The following MYBPC1 variants were observed in gnomAD, a reference collection of about 807,000 sequenced individuals.
The protein encoded by MYBPC1 is myosin-binding protein C, slow-type.
In MYBPC1, 52 loss-of-function variants were observed where a neutral mutation model predicts 147.1. That is an observed-to-expected ratio of 0.35 (90% CI 0.28 to 0.45). MYBPC1 has a LOEUF of 0.45. Among genes scored for constraint, MYBPC1 ranks in the 20% least tolerant of loss-of-function variants. MYBPC1 has a pLI of 1.00. For synonymous variants in MYBPC1, 477 were observed against 475.9 expected, an observed-to-expected ratio of 1.00 and a Z score of -0.03; for missense variants, 1,228 against 1,440.3, an observed-to-expected ratio of 0.85 and a Z score of 2.39.
chr12:101,643,879 G>A (rs1257777668), intron 11 of MYBPC1, among the ~76,000 whole-genome samples: 1 of 152,012 alleles, frequency 6.6e-6, no homozygotes, highest in African/African-American at 2.4e-5. Flanking sequence ...TAAGCCTACT[G>A]TTTCAATTAG....
At chr12:101,632,239 T>A in intron 8 of MYBPC1, 101 bp downstream of exon 8, 1 of 897,688 alleles carries the variant, frequency 1.1e-6, no homozygotes, top group Non-Finnish European at 1.9e-6. Context: ...TCAGAGAAAG[T>A]TTTCCTTTAA....
chr12:101,664,971 A>C (rs1359853335), intron 22 of MYBPC1, among the ~76,000 whole-genome samples: 1 of 152,106 alleles, frequency 6.6e-6, no homozygotes, highest in Non-Finnish European at 1.5e-5. Context: ...AGAATATCCC[A>C]GTCTTATGTG....
intron 1 of MYBPC1, among the ~76,000 whole-genome samples, chr12:101,608,719 GC>G (rs1183733951): frequency 7.2e-5 from 11 of 152,202 alleles, no homozygotes; most frequent in African/African-American, 2.7e-4. Flanking sequence ...GATTTTAAAA[GC>G]GGGGGATTCC....
intron 20 of MYBPC1, among the ~76,000 whole-genome samples, chr12:101,661,896 C>CAAAAAAAAAAAAAAAAAA (rs66873575): frequency 2.4e-5 from 2 of 83,198 alleles, no homozygotes; most frequent in Non-Finnish European, 4.7e-5. Flanking sequence ...GACTCTGTCT[C>CAAAAAAAAAAAAAAAAAA]AAAAAAAAAA....
At chr12:101,616,125 G>C (rs1885995831) in intron 2 of MYBPC1, among the ~76,000 whole-genome samples, 1 of 152,154 alleles carries the variant, frequency 6.6e-6, no homozygotes, top group South Asian at 2.1e-4. Flanking sequence ...GTATTACTAT[G>C]TGTCGAAATG....
intron 1 of MYBPC1, among the ~76,000 whole-genome samples, chr12:101,611,120 C>T (rs1410431201): frequency 6.6e-6 from 1 of 152,196 alleles, no homozygotes; most frequent in African/African-American, 2.4e-5. Flanking sequence ...AGAAAAAGTT[C>T]TGGATCTGCC....
Position 101,631,593 on chromosome 12 carries a change from C to A in MYBPC1, c.312C>A (p.Ala104=). 2 of 1,614,072 alleles carry A rather than the reference C, an allele frequency of 1.2e-6. No homozygotes were observed. Among genetic ancestry groups the A allele is most frequent in the African/African-American group, 2.7e-5 (2 of 75,040 alleles). Reference sequence around the variant, plus strand: ...TAGGTGAAGATATCACCTTCATAGCCAAAGTCAAGGCTGAAGATCTTCTGA... The same window carrying A: ...TAGGTGAAGATATCACCTTCATAGCAAAAGTCAAGGCTGAAGATCTTCTGA... ...VKVGEDITFI[A]KVKAEDLLRK... The change falls in exon 7 of 32, where the codon GCC becomes GCA. Residue 104 remains alanine (A), a synonymous_variant. Coordinates refer to ENST00000361466, the MANE Select transcript of MYBPC1 (RefSeq NM_002465.4).
At chr12:101,694,260 A>T in the MYBPC1 span, among the ~76,000 whole-genome samples, 1 of 152,228 alleles carries the variant, frequency 6.6e-6, no homozygotes, top group Admixed American at 6.5e-5. Flanking sequence ...GATTGTACTT[A>T]TAATTCTTTT....
At chr12:101,676,115 G>A (rs185304091) in intron 26 of MYBPC1, among the ~76,000 whole-genome samples, 7 of 152,104 alleles carry the variant, frequency 4.6e-5, no homozygotes, top group East Asian at 3.9e-4. Flanking sequence ...ATCAGCTATC[G>A]TTAGCGTTAG....
At chr12:101,671,375 A>G (rs999004969) in intron 24 of MYBPC1, among the ~76,000 whole-genome samples, 1 of 152,002 alleles carries the variant, frequency 6.6e-6, no homozygotes, top group African/African-American at 2.4e-5. Flanking sequence ...ACATGCACAC[A>G]CAGAGAGAAC....
intron 11 of MYBPC1, among the ~76,000 whole-genome samples, chr12:101,643,776 A>G (rs1892547064): frequency 6.6e-6 from 1 of 152,186 alleles, no homozygotes; most frequent in Non-Finnish European, 1.5e-5. Context: ...GTTATTTAAA[A>G]TATTTGGAAA....
chr12:101,679,861 C>T (rs991986188), intron 28 of MYBPC1, among the ~76,000 whole-genome samples: 21 of 152,130 alleles, frequency 1.4e-4, no homozygotes, highest in Non-Finnish European at 1.6e-4. Flanking sequence ...CAACATGGAC[C>T]TATGGATGAC....
At chr12:101,673,675 A>T in intron 25 of MYBPC1, 53 bp downstream of exon 25, 1 of 1,579,584 alleles carries the variant, frequency 6.3e-7, no homozygotes, top group Non-Finnish European at 8.7e-7. Context: ...ACAGGGATGA[A>T]TTGTCCTTGT....
the MYBPC1 span, among the ~76,000 whole-genome samples, chr12:101,692,693 T>C: frequency 2.0e-5 from 3 of 152,144 alleles, no homozygotes; most frequent in African/African-American, 7.2e-5. Flanking sequence ...ACATTGTATA[T>C]ATCAATCACT....
intron 25 of MYBPC1, 104 bp downstream of exon 25, chr12:101,673,726 A>G (rs1368846211): frequency 4.8e-6 from 6 of 1,250,320 alleles, no homozygotes; most frequent in East Asian, 2.3e-5. Flanking sequence ...CTGGCTCTAC[A>G]TAAAACTCTT....
intron 1 of MYBPC1, among the ~76,000 whole-genome samples, chr12:101,595,565 C>A (rs192989210): frequency 1.8e-4 from 28 of 151,980 alleles, no homozygotes; most frequent in African/African-American, 6.5e-4. Flanking sequence ...ATATTTGCTA[C>A]TTTTTTTAAT....
chr12:101,666,567 T>C (rs893682673), intron 22 of MYBPC1: 5 of 625,900 alleles, frequency 8.0e-6, no homozygotes, highest in African/African-American at 1.8e-5. Flanking sequence ...CAGAGCAGGC[T>C]GTGCTCTCCT....
At chr12:101,656,607 G>A (rs1050190439) in intron 18 of MYBPC1, among the ~76,000 whole-genome samples, 3 of 152,110 alleles carry the variant, frequency 2.0e-5, no homozygotes, top group Non-Finnish European at 4.4e-5. Flanking sequence ...ATAGAAATGA[G>A]CGTTACATAA....
chr12:101,600,943 T>C (rs189187807), intron 1 of MYBPC1, among the ~76,000 whole-genome samples: 40 of 152,336 alleles, frequency 2.6e-4, no homozygotes, highest in Admixed American at 1.0e-3. Context: ...TTTGTTATTA[T>C]TCCATGTTAG....
Sources: allele counts gnomAD v4.1 joint callset (sites outside exome capture counted in the v4.1 genomes callset), GRCh38; gene constraint gnomAD v4.1.1; transcripts MANE v1.5; gene names NCBI Gene and HGNC (gene_info 2026-07-23, HGNC 2026-07-21).